The following DAG1 variants were observed in gnomAD, a reference collection of about 807,000 sequenced individuals.
The protein encoded by DAG1 is dystroglycan 1, also known as dystroglycan 1 (dystrophin-associated glycoprotein 1).
A neutral mutation model predicts 46.1 loss-of-function variants in DAG1; 8 were observed. The ratio of observed to expected loss-of-function variants is 0.17; its 90% CI spans 0.10 to 0.31. The LOEUF (loss-of-function observed/expected upper bound fraction) is 0.31. Ranked by LOEUF, DAG1 falls within the 10% of genes least tolerant of loss-of-function variation. The probability of loss-of-function intolerance (pLI) is 1.00; values close to 1 mark genes in which losing one functional copy is unlikely to be tolerated. For synonymous variants in DAG1, 495 were observed against 481.8 expected, an observed-to-expected ratio of 1.03 and a Z score of -0.36; for missense variants, 1,003 against 1,189.9, an observed-to-expected ratio of 0.84 and a Z score of 2.31.
At chr3:49,469,313 C>A (rs886425260), upstream of DAG1, among the ~76,000 whole-genome samples, 1 of 152,162 alleles carries the variant, frequency 6.6e-6, no homozygotes, top group Non-Finnish European at 1.5e-5. Context: ...AAGCAGAGCC[C>A]ACCACGGGTC....
chr3:49,482,405 C>T (rs1452168195), intron 1 of DAG1, among the ~76,000 whole-genome samples: 1 of 152,198 alleles, frequency 6.6e-6, no homozygotes, highest in African/African-American at 2.4e-5. Context: ...TGTCTCCTGC[C>T]TGCCCTTGGG....
intron 1 of DAG1, among the ~76,000 whole-genome samples, chr3:49,508,099 A>G (rs1259727999): frequency 2.3e-5 from 3 of 130,628 alleles, no homozygotes; most frequent in African/African-American, 8.8e-5. Flanking sequence ...ATAACTAGTT[A>G]TTTGTTTCAA....
chr3:49,509,429 C>G (rs1471486338), intron 1 of DAG1, among the ~76,000 whole-genome samples: 1 of 152,290 alleles, frequency 6.6e-6, no homozygotes, highest in East Asian at 1.9e-4. Flanking sequence ...ACTCCCCTAC[C>G]CCTAGAAAGA....
At chr3:49,514,838 CACAT>C (rs2050855619) in intron 2 of DAG1, among the ~76,000 whole-genome samples, 1 of 146,738 alleles carries the variant, frequency 6.8e-6, no homozygotes, top group Admixed American at 6.8e-5. Flanking sequence ...TGTGTGTGTA[CACAT>C]ACATAGACAC....
upstream of DAG1, among the ~76,000 whole-genome samples, chr3:49,469,771 A>T (rs139896371): frequency 2.6e-5 from 4 of 152,216 alleles, no homozygotes; most frequent in East Asian, 7.7e-4. Flanking sequence ...GATTGTTCTC[A>T]TGGCTTAGAA....
chr3:49,507,694 C>A (rs764213105), intron 1 of DAG1, among the ~76,000 whole-genome samples: 7 of 142,898 alleles, frequency 4.9e-5, no homozygotes, highest in Non-Finnish European at 9.0e-5. Flanking sequence ...TTGAGACAGT[C>A]TCAATCTGTC....
At chr3:49,478,568 G>A (rs1575339129) in intron 1 of DAG1, among the ~76,000 whole-genome samples, 1 of 137,492 alleles carries the variant, frequency 7.3e-6, no homozygotes, top group Admixed American at 7.9e-5. Context: ...TTTGTAGAGA[G>A]GGTTTTGCCA....
At chr3:49,520,473 T>C (rs2050999336) in intron 2 of DAG1, among the ~76,000 whole-genome samples, 1 of 152,244 alleles carries the variant, frequency 6.6e-6, no homozygotes, top group Non-Finnish European at 1.5e-5. Context: ...GGCCCAGCTC[T>C]GCAGCCTGAC....
At chr3:49,488,183 A>T (rs2050088605) in intron 1 of DAG1, among the ~76,000 whole-genome samples, 1 of 152,170 alleles carries the variant, frequency 6.6e-6, no homozygotes, top group African/African-American at 2.4e-5. Context: ...CACCATGCCC[A>T]TTAATCAAAC....
At chr3:49,472,815 A>G (rs2049562791) in intron 1 of DAG1, among the ~76,000 whole-genome samples, 1 of 150,912 alleles carries the variant, frequency 6.6e-6, no homozygotes, top group Non-Finnish European at 1.5e-5. Flanking sequence ...TCAAAAACAA[A>G]ACAAAAAACA....
At chr3:49,505,819 A>G (rs1303512248) in intron 1 of DAG1, among the ~76,000 whole-genome samples, 4 of 128,870 alleles carry the variant, frequency 3.1e-5, no homozygotes, top group Non-Finnish European at 6.5e-5. Context: ...ATGCACCACC[A>G]TGCCCGGCTA....
At chr3:49,527,870 C>CAGTTGGCTTCTCCTT (rs1306067061) in intron 2 of DAG1, among the ~76,000 whole-genome samples, 1 of 152,180 alleles carries the variant, frequency 6.6e-6, no homozygotes, top group Non-Finnish European at 1.5e-5. Flanking sequence ...GTCTCCTCTG[C>CAGTTGGCTTCTCCTT]AGTTGGCTTC....
upstream of DAG1, among the ~76,000 whole-genome samples, chr3:49,469,343 G>T (rs979903864): frequency 2.0e-5 from 3 of 152,224 alleles, no homozygotes; most frequent in Non-Finnish European, 4.4e-5. Flanking sequence ...GACCCATCCG[G>T]TAACTGTCAG....
chr3:49,494,177 G>A (rs574627366), intron 1 of DAG1, among the ~76,000 whole-genome samples: 1 of 152,274 alleles, frequency 6.6e-6, no homozygotes, highest in African/African-American at 2.4e-5. Context: ...TGATGGTTGA[G>A]CATTAAGAAT....
chr3:49,497,436 CAAA>C (rs11391817), intron 1 of DAG1, among the ~76,000 whole-genome samples: 2 of 128,544 alleles, frequency 1.6e-5, no homozygotes, highest in Non-Finnish European at 3.3e-5. Context: ...GACTCCGTCT[CAAA>C]AAAAAAAAAA....
At chr3:49,480,049 A>C (rs1339047703) in intron 1 of DAG1, among the ~76,000 whole-genome samples, 1 of 143,456 alleles carries the variant, frequency 7.0e-6, no homozygotes. Context: ...TCCCGGGTTC[A>C]ATCGATTCTC....
In DAG1 at chr3:49,530,863, G is replaced by A; in HGVS notation, c.352G>A (p.Glu118Lys). ...CTGGGACTCACAGAGCCACACCCTG[G>A]AGGGCCTCCCCCTTGACACTGATAA... ...LHWDSQSHTL[E>K]GLPLDTDKGV... is the part of the protein sequence containing the mutation. The change falls in exon 3 of 3, where the codon GAG becomes AAG. Residue 118 changes from glutamate (E) to lysine (K), a missense_variant. This residue lies in a region of DAG1 where 196 missense variants were observed against 239.1 expected (regional missense o/e 0.82). Coordinates refer to ENST00000308775, the MANE Select transcript of DAG1 (RefSeq NM_004393.6). 6.2e-7 allele frequency: 1 copy of A among 1,614,168 alleles called. No individual in the cohort carries two copies. Among genetic ancestry groups the A allele is most frequent in the Non-Finnish European group, 8.5e-7 (1 of 1,180,028 alleles).
At chr3:49,498,447 C>G (rs1396631576) in intron 1 of DAG1, among the ~76,000 whole-genome samples, 1 of 151,882 alleles carries the variant, frequency 6.6e-6, no homozygotes, top group Admixed American at 6.6e-5. Flanking sequence ...GACTTCACAC[C>G]ACTGTTTTCC....
At chr3:49,506,034 C>T (rs1389695655) in intron 1 of DAG1, among the ~76,000 whole-genome samples, 1 of 147,416 alleles carries the variant, frequency 6.8e-6, no homozygotes, top group Non-Finnish European at 1.5e-5. Context: ...GGCTGGAGTG[C>T]AGTGGCTTGA....
Sources: gnomAD v4.1 joint callset for allele counts (sites outside exome capture counted in the v4.1 genomes callset) on GRCh38, gnomAD v4.1.1 for gene constraint, gnomAD v4.1.1 regional missense constraint, MANE v1.5 for transcripts, NCBI Gene and HGNC (gene_info 2026-07-23, HGNC 2026-07-21) for gene names.